Variants in JAK1 observed in about 807,000 individuals in gnomAD.
JAK1 encodes tyrosine-protein kinase JAK1.
A neutral mutation model predicts 136.6 loss-of-function variants in JAK1; 16 were observed. That is an observed-to-expected ratio of 0.12 (90% CI 0.08 to 0.18). JAK1 has a LOEUF of 0.18. Among genes scored for constraint, JAK1 ranks in the 10% least tolerant of loss-of-function variants. The probability of loss-of-function intolerance (pLI) is 1.00; values close to 1 mark genes in which losing one functional copy is unlikely to be tolerated. For synonymous variants in JAK1, 492 were observed against 519.5 expected (o/e 0.95, Z 0.72); for missense variants, 859 against 1,450.1 (o/e 0.59, Z 6.62).
At chr1:65,057,476 G>C (rs1278223450) in intron 1 of JAK1, among the ~76,000 whole-genome samples, 1 of 152,210 alleles carries the variant, frequency 6.6e-6, no homozygotes, top group African/African-American at 2.4e-5. Flanking sequence ...TGAGGTGGGA[G>C]AATCAATTAA....
chr1:64,905,840 A>T (rs1206972582), intron 1 of JAK1, among the ~76,000 whole-genome samples: 1 of 152,232 alleles, frequency 6.6e-6, no homozygotes, highest in Non-Finnish European at 1.5e-5. Context: ...AAAAGAGGTC[A>T]GGTTCCAGCA....
At chr1:65,044,971 C>A (rs1366567009) in intron 1 of JAK1, among the ~76,000 whole-genome samples, 1 of 152,162 alleles carries the variant, frequency 6.6e-6, no homozygotes, top group African/African-American at 2.4e-5. Flanking sequence ...TGATTATAGA[C>A]TAGTAATGGG....
intron 2 of JAK1, chr1:65,002,247 G>A (rs1180185081): frequency 6.6e-6 from 1 of 152,234 alleles, no homozygotes; most frequent in Non-Finnish European, 1.5e-5. Context: ...GGGCAAATGA[G>A]TGAGCCCCAG....
intron 1 of JAK1, among the ~76,000 whole-genome samples, chr1:64,924,702 C>G (rs1645552966): frequency 1.3e-5 from 2 of 152,168 alleles, no homozygotes; most frequent in South Asian, 4.1e-4. Context: ...GTATCTTCAG[C>G]AAATTGAAAG....
chr1:64,862,554 C>T (rs1424715752), intron 8 of JAK1, among the ~76,000 whole-genome samples: 1 of 152,252 alleles, frequency 6.6e-6, no homozygotes, highest in Non-Finnish European at 1.5e-5. Context: ...TGTGGCTTGG[C>T]ATAGAGTCAT....
At chr1:65,060,976 C>T (rs1647766839) in intron 1 of JAK1, among the ~76,000 whole-genome samples, 1 of 152,206 alleles carries the variant, frequency 6.6e-6, no homozygotes, top group African/African-American at 2.4e-5. Context: ...AAAATGCTTT[C>T]TTCCAGGACC....
intron 1 of JAK1, among the ~76,000 whole-genome samples, chr1:64,892,855 G>C (rs553895378): frequency 6.6e-6 from 1 of 152,300 alleles, no homozygotes; most frequent in South Asian, 2.1e-4. Context: ...CTTGGGCAAG[G>C]TGTGGGACTT....
intron 1 of JAK1, among the ~76,000 whole-genome samples, chr1:65,047,489 C>T (rs541589256): frequency 1.2e-4 from 18 of 152,252 alleles, no homozygotes; most frequent in African/African-American, 3.9e-4. Context: ...GAGGCCAAGA[C>T]GGGCAAATCA....
intron 1 of JAK1, among the ~76,000 whole-genome samples, chr1:65,046,834 G>C: frequency 7.6e-6 from 1 of 131,466 alleles, no homozygotes; most frequent in East Asian, 2.0e-4. Context: ...ACAGGTGTGA[G>C]CCACCGCAGT....
rs78395577 is a variant in JAK1 at position 64,858,530 on chromosome 1, G to C, written c.1335-751C>G. ...CATCATTGATTCTTTGGTTTAATCAGATTTGAATGCCACCTACTCTGAGCA... is the reference window on the plus strand; with the variant it reads ...CATCATTGATTCTTTGGTTTAATCACATTTGAATGCCACCTACTCTGAGCA... On this transcript the variant is annotated intron_variant, in intron 9 of 24. Coordinates refer to ENST00000342505, the MANE Select transcript of JAK1 (RefSeq NM_002227.4). Among the ~76,000 whole-genome samples, 15 of 152,278 alleles carry C rather than the reference G, an allele frequency of 9.9e-5. No individual in the cohort carries two copies. The East Asian group carries it at 2.7e-3, about 27-fold the overall frequency.
chr1:64,964,074 T>C (rs182901776), intron 1 of JAK1, among the ~76,000 whole-genome samples: 1 of 152,220 alleles, frequency 6.6e-6, no homozygotes, highest in Non-Finnish European at 1.5e-5. Context: ...AGGTTCCATA[T>C]ACCACTGAGC....
At chr1:65,015,688 A>C (rs1646886822) in intron 2 of JAK1, among the ~76,000 whole-genome samples, 1 of 152,230 alleles carries the variant, frequency 6.6e-6, no homozygotes, top group African/African-American at 2.4e-5. Flanking sequence ...TTGAAATTTT[A>C]AAACGGAAAT....
rs1395729333 is a variant in JAK1, at chr1:64,838,598, A to C, written c.2843-9T>G. 1 of 1,612,802 alleles carries C rather than the reference A, an allele frequency of 6.2e-7. No individual in the cohort carries two copies. Among genetic ancestry groups the C allele is most frequent in the Non-Finnish European group, 8.5e-7 (1 of 1,179,916 alleles). Reference sequence around the variant, plus strand: ...CTTAATACCATTTCCTCCTGTTTAGAAAAAACATCCATCAGTCTGAGGCTG... The same window carrying C: ...CTTAATACCATTTCCTCCTGTTTAGCAAAAACATCCATCAGTCTGAGGCTG... On this transcript the variant is annotated splice_polypyrimidine_tract_variant and intron_variant, in intron 20 of 24. Transcript: ENST00000342505.
chr1:64,932,012 C>A (rs1645702828), intron 1 of JAK1, among the ~76,000 whole-genome samples: 1 of 152,054 alleles, frequency 6.6e-6, no homozygotes, highest in Non-Finnish European at 1.5e-5. Flanking sequence ...AATAATAATA[C>A]CTACACTTTA....
intron 1 of JAK1, 145 bp from the exon 2 acceptor site, chr1:64,886,486 C>T: frequency 2.0e-6 from 1 of 511,962 alleles, no homozygotes. Context: ...CAAAACAAAA[C>T]AAAAAAATGG....
intron 2 of JAK1, chr1:64,993,485 G>T (rs1012266487): frequency 6.6e-6 from 1 of 152,162 alleles, no homozygotes; most frequent in Non-Finnish European, 1.5e-5. Flanking sequence ...ACTTATTATA[G>T]AACATCCATG....
chr1:64,965,148 G>C (rs188251835), intron 1 of JAK1, among the ~76,000 whole-genome samples: 29 of 152,220 alleles, frequency 1.9e-4, no homozygotes, highest in African/African-American at 7.0e-4. Flanking sequence ...AACACGCCCT[G>C]ATTTACATCT....
intron 1 of JAK1, among the ~76,000 whole-genome samples, chr1:65,047,673 C>T (rs1458065399): frequency 7.3e-5 from 11 of 151,516 alleles, no homozygotes; most frequent in African/African-American, 2.7e-4. Context: ...GCGCCGAGAT[C>T]ACGCCACTGC....
chr1:64,915,618 G>A (rs1467914825), intron 1 of JAK1, among the ~76,000 whole-genome samples: 5 of 152,190 alleles, frequency 3.3e-5, no homozygotes, highest in African/African-American at 4.8e-5. Flanking sequence ...TGTCCAGTAC[G>A]GCAGCCAGTC....
Sources: allele counts gnomAD v4.1 joint callset (sites outside exome capture counted in the v4.1 genomes callset), GRCh38; gene constraint gnomAD v4.1.1; transcripts MANE v1.5; gene names NCBI Gene and HGNC (gene_info 2026-07-23, HGNC 2026-07-21).